Variants in GRM3 observed in about 807,000 individuals in gnomAD.
The protein encoded by GRM3 is glutamate metabotropic receptor 3.
GRM3 carries 26 observed loss-of-function variants against 70.5 expected under a neutral mutation model. The observed-to-expected ratio is 0.37, with a 90% CI of 0.27 to 0.51. The LOEUF (loss-of-function observed/expected upper bound fraction) is 0.51, where lower values mean the gene tolerates loss of function less well. Among genes scored for constraint, GRM3 ranks in the 20% least tolerant of loss-of-function variants. The pLI is 0.93. For synonymous variants in GRM3, 443 were observed against 434.9 expected (o/e 1.02, Z -0.23); for missense variants, 859 against 1,123.8 (o/e 0.76, Z 3.37).
At position 86,759,658 on chromosome 7, in the gene GRM3, T is replaced by C. The variant is rs183832791; in HGVS notation, c.-140-5348T>C. 1.4e-3 allele frequency among the ~76,000 whole-genome samples: 218 copies of C among 152,224 alleles called. 2 individuals carry two copies. The highest frequency in any genetic ancestry group is 2.0e-3 in the Non-Finnish European group (137 of 68,004). Reference sequence around the variant, plus strand: ...TGCAAATAAAACACAAGACAAAATATGATCCTCATGATAAACATAGCACAA... The same window carrying C: ...TGCAAATAAAACACAAGACAAAATACGATCCTCATGATAAACATAGCACAA... On this transcript the variant is annotated intron_variant, in intron 1 of 5. Coordinates refer to ENST00000361669, the MANE Select transcript of GRM3 (RefSeq NM_000840.3).
intron 1 of GRM3, among the ~76,000 whole-genome samples, chr7:86,739,576 G>A (rs1388169405): frequency 6.6e-6 from 1 of 152,152 alleles, no homozygotes; most frequent in Non-Finnish European, 1.5e-5. Flanking sequence ...CAGACCAGCA[G>A]CATCCACATC....
intron 1 of GRM3, among the ~76,000 whole-genome samples, chr7:86,744,282 T>C (rs1041003734): frequency 1.3e-5 from 2 of 151,656 alleles, no homozygotes; most frequent in Non-Finnish European, 2.9e-5. Flanking sequence ...CAGGCAGTGC[T>C]AGAAACACTT....
chr7:86,673,976 C>T (rs1260317556), intron 1 of GRM3, among the ~76,000 whole-genome samples: 1 of 152,120 alleles, frequency 6.6e-6, no homozygotes, highest in Non-Finnish European at 1.5e-5. Flanking sequence ...TAGCAGGCTC[C>T]TAACTTATCT....
At chr7:86,799,076 G>C (rs1469338619) in intron 3 of GRM3, among the ~76,000 whole-genome samples, 1 of 152,134 alleles carries the variant, frequency 6.6e-6, no homozygotes, top group Non-Finnish European at 1.5e-5. Flanking sequence ...CATTTCCTTT[G>C]TTAGCTGTAT....
At chr7:86,703,512 G>A (rs914141379) in intron 1 of GRM3, among the ~76,000 whole-genome samples, 6 of 151,966 alleles carry the variant, frequency 3.9e-5, no homozygotes, top group African/African-American at 1.4e-4. Context: ...AGAAGAGTGT[G>A]TTAGTGTCTA....
chr7:86,744,802 C>T (rs571737425), intron 1 of GRM3, among the ~76,000 whole-genome samples: 4 of 152,100 alleles, frequency 2.6e-5, no homozygotes, highest in Admixed American at 6.6e-5. Flanking sequence ...GATTCTCTAC[C>T]GCATGGAATA....
At chr7:86,789,566 A>G (rs2116565602) in intron 3 of GRM3, among the ~76,000 whole-genome samples, 1 of 152,298 alleles carries the variant, frequency 6.6e-6, no homozygotes, top group East Asian at 1.9e-4. Context: ...CTGAAACAGT[A>G]TCTTTGTTTT....
At chr7:86,792,882 C>T (rs190766082) in intron 3 of GRM3, among the ~76,000 whole-genome samples, 196 of 152,230 alleles carry the variant, frequency 1.3e-3, no homozygotes, top group Non-Finnish European at 7.2e-4. Flanking sequence ...CAGGGCTTCA[C>T]TTATATGTGA....
intron 1 of GRM3, among the ~76,000 whole-genome samples, chr7:86,760,885 T>C (rs990033480): frequency 6.6e-6 from 1 of 152,130 alleles, no homozygotes; most frequent in Non-Finnish European, 1.5e-5. Flanking sequence ...TTACATGACA[T>C]TGTCATCCCC....
chr7:86,660,101 C>G (rs1052814552), intron 1 of GRM3, among the ~76,000 whole-genome samples: 3 of 151,890 alleles, frequency 2.0e-5, no homozygotes, highest in Non-Finnish European at 4.4e-5. Context: ...ATTTATTAAG[C>G]TATGTTTACA....
chr7:86,654,681 C>A (rs560955805), intron 1 of GRM3, among the ~76,000 whole-genome samples: 2 of 152,314 alleles, frequency 1.3e-5, no homozygotes, highest in African/African-American at 4.8e-5. Flanking sequence ...ATGGCAACTT[C>A]TTTATTCTCC....
intron 4 of GRM3, among the ~76,000 whole-genome samples, chr7:86,843,404 AC>A (rs754110818): frequency 5.9e-5 from 9 of 152,186 alleles, no homozygotes; most frequent in Non-Finnish European, 1.2e-4. Flanking sequence ...ATCAAGGAGG[AC>A]TAATTGAAGC....
At chr7:86,796,464 A>G (rs762619406) in intron 3 of GRM3, among the ~76,000 whole-genome samples, 3 of 152,132 alleles carry the variant, frequency 2.0e-5, no homozygotes, top group African/African-American at 4.8e-5. Flanking sequence ...GGGTTACAGT[A>G]GCCTTGTTGT....
chr7:86,834,585 A>ATTTTTTTTTTTTTTTTT (rs67542488), intron 3 of GRM3, among the ~76,000 whole-genome samples: 1 of 134,336 alleles, frequency 7.4e-6, no homozygotes, highest in Non-Finnish European at 1.6e-5. Context: ...TGCTTTCTCC[A>ATTTTTTTTTTTTTTTTT]TTTTTTTTTT....
At position 86,700,827 on chromosome 7, in the gene GRM3, G is replaced by T. The variant is rs1183227920; in HGVS notation, c.-141+55955G>T. ...TGTGTTCTACTTGGTGGCTGGAAAT[G>T]ATAAATACTAATGTTCTGAGATAGA... On this transcript the variant is annotated intron_variant, in intron 1 of 5. Coordinates refer to ENST00000361669, the MANE Select transcript of GRM3 (RefSeq NM_000840.3). 2.0e-5 allele frequency among the ~76,000 whole-genome samples: 3 copies of T among 151,814 alleles called. No homozygotes were observed. The East Asian group carries it at 5.8e-4, about 29-fold the overall frequency.
intron 5 of GRM3, among the ~76,000 whole-genome samples, chr7:86,859,279 T>C (rs1025151897): frequency 6.6e-6 from 1 of 152,274 alleles, no homozygotes; most frequent in African/African-American, 2.4e-5. Flanking sequence ...TATTTCTTAA[T>C]AATGAATTAT....
At chr7:86,851,781 G>A (rs908474762) in intron 5 of GRM3, among the ~76,000 whole-genome samples, 1 of 152,090 alleles carries the variant, frequency 6.6e-6, no homozygotes, top group Non-Finnish European at 1.5e-5. Context: ...GAGCTTCAGG[G>A]CATGGCAAAG....
intron 1 of GRM3, among the ~76,000 whole-genome samples, chr7:86,755,161 A>G (rs1013241766): frequency 2.0e-5 from 3 of 151,918 alleles, no homozygotes; most frequent in African/African-American, 7.3e-5. Flanking sequence ...AAGCATATGC[A>G]TTGGTTCCCG....
intron 3 of GRM3, among the ~76,000 whole-genome samples, chr7:86,823,747 C>G (rs1798175244): frequency 6.6e-6 from 1 of 151,944 alleles, no homozygotes; most frequent in Admixed American, 6.6e-5. Flanking sequence ...TTGTTAACAA[C>G]TGAGCTAGTG....
Sources: gnomAD v4.1 joint callset for allele counts (sites outside exome capture counted in the v4.1 genomes callset) on GRCh38, gnomAD v4.1.1 for gene constraint, MANE v1.5 for transcripts, NCBI Gene and HGNC (gene_info 2026-07-23, HGNC 2026-07-21) for gene names.